The following L3MBTL2 variants were observed in gnomAD, a reference collection of about 807,000 sequenced individuals.
The protein encoded by L3MBTL2 is L3MBTL histone methyl-lysine binding protein 2.
Under a neutral mutation model 86.4 loss-of-function variants are expected in L3MBTL2, and 49 were observed. That is an observed-to-expected ratio of 0.57 (90% CI 0.45 to 0.72). The LOEUF is 0.72. Among genes scored for constraint, L3MBTL2 ranks in the 30% least tolerant of loss-of-function variants. L3MBTL2 has a pLI of 0.00. For missense variants in L3MBTL2, 755 were observed against 923.7 expected, an observed-to-expected ratio of 0.82 and a Z score of 2.37; for synonymous variants, 336 against 350.6, an observed-to-expected ratio of 0.96 and a Z score of 0.47.
chr22:41,230,279 GC>G lies in L3MBTL2; in HGVS notation c.*29del, dbSNP rs1466931005. 6.4e-7 allele frequency: 1 copy of G among 1,566,306 alleles called. No individual in the cohort carries two copies. Among genetic ancestry groups the G allele is most frequent in the Non-Finnish European group, 8.8e-7 (1 of 1,137,432 alleles). On this transcript the variant is annotated 3_prime_UTR_variant, in exon 17 of 17. Transcript: ENST00000216237. ...CTTCCTGCCTCCAGCCTGGCTTCTAGCTGGAAGCCAGCCCAGCGTTTCTCTA... is the reference window on the plus strand; with the variant it reads ...CTTCCTGCCTCCAGCCTGGCTTCTAGTGGAAGCCAGCCCAGCGTTTCTCTA...
intron 5 of L3MBTL2, chr22:41,219,110 C>T: frequency 7.2e-6 from 2 of 278,180 alleles, no homozygotes; most frequent in East Asian, 7.6e-5. Context: ...GATCGAGGCT[C>T]ACCAAGGCAT....
chr22:41,213,751 A>C, intron 2 of L3MBTL2, 142 bp from the exon 3 acceptor site: 1 of 880,952 alleles, frequency 1.1e-6, no homozygotes, highest in Non-Finnish European at 1.8e-6. Context: ...AGTACCTCCC[A>C]TTCCTCCTCT....
intron 8 of L3MBTL2, chr22:41,221,507 T>C: frequency 1.8e-6 from 1 of 556,674 alleles, no homozygotes; most frequent in Non-Finnish European, 3.3e-6. Context: ...CTGCTCCTAC[T>C]GCTCCAGTCA....
Position 41,225,653 on chromosome 22 carries a change from G to T in L3MBTL2, c.1357-141G>T, listed in dbSNP as rs898174723. The T allele has an allele frequency of 2.6e-6, 2 of 774,524 alleles. No individual in the cohort carries two copies. The highest frequency in any genetic ancestry group is 1.8e-5 in the African/African-American group (1 of 57,026). The allele number at this position is 774,524 out of a possible 1,614,324, so 48.0% of individuals were successfully genotyped here. A position where few individuals can be genotyped will look rare whatever the true frequency, so the allele number is the denominator to read the frequency against. On this transcript the variant is annotated intron_variant, in intron 11 of 16. Coordinates refer to ENST00000216237, the MANE Select transcript of L3MBTL2 (RefSeq NM_031488.5). The surrounding 1 kb of genome is among the most constrained non-coding windows in gnomAD (Gnocchi z 4.1). ...ACAGAAGTACTGTGTGCCCCAGAGA[G>T]GCTCAGGTGTCCTCCAGGAGGGCCA...
chr22:41,210,123 C>T (rs1008198972), intron 2 of L3MBTL2, 190 bp downstream of exon 2: 11 of 486,816 alleles, frequency 2.3e-5, no homozygotes, highest in African/African-American at 1.8e-4. Flanking sequence ...GTGTTAACTT[C>T]CTTTGCTGAA....
chr22:41,216,113 C>T (rs1203813912), intron 3 of L3MBTL2, 26 bp from the exon 4 acceptor site: 4 of 1,601,814 alleles, frequency 2.5e-6, no homozygotes, highest in Non-Finnish European at 3.4e-6. Context: ...CGCCAGGCTA[C>T]ACATAGCCTC....
chr22:41,219,471 T>C lies in L3MBTL2; in HGVS notation c.653T>C (p.Val218Ala). Residue 218 changes from valine (V) to alanine (A), a missense_variant, in exon 6 of 17, where the codon GTG (valine) becomes GCG (alanine). Val to Ala is a moderately conservative substitution (Grantham distance 64). This residue lies in a region of L3MBTL2 where 634 missense variants were observed against 748.9 expected (regional missense o/e 0.85). Coordinates refer to ENST00000216237, the MANE Select transcript of L3MBTL2 (RefSeq NM_031488.5). ...EDVMKGMKVE[V>A]LNSDAVLPSR... ...GTGATGAAAGGGATGAAGGTGGAGG[T>C]GCTCAACAGTGATGCTGTGCTCCCC... 1 of 1,613,878 alleles carries C rather than the reference T, an allele frequency of 6.2e-7. No homozygotes were observed. Among genetic ancestry groups the C allele is most frequent in the Non-Finnish European group, 8.5e-7 (1 of 1,179,896 alleles).
rs774647469 is a variant in L3MBTL2 at position 41,217,140 on chromosome 22, G to A, written c.538G>A (p.Asp180Asn). Reference sequence around the variant, plus strand: ...CTCTGCAGCTCTGGTCTTGGGCTTCGACTGGGGGAAGTTCCTGAAGGATCA... The same window carrying A: ...CTCTGCAGCTCTGGTCTTGGGCTTCAACTGGGGGAAGTTCCTGAAGGATCA... ...TGQDALVLGF[D>N]WGKFLKDHSY... The change falls in exon 5 of 17, where the codon GAC (aspartate) becomes AAC (asparagine). Residue 180 changes from aspartate (D) to asparagine (N), a missense_variant. Asp to Asn is a conservative substitution (Grantham distance 23, BLOSUM62 1). Around this residue, in one of 3 missense-constraint regions of L3MBTL2, gnomAD observed 634 missense variants for 748.9 expected, o/e 0.85. Transcript: ENST00000216237. The A allele has an allele frequency of 1.9e-6, 3 of 1,613,876 alleles. No individual in the cohort carries two copies. Among genetic ancestry groups the A allele is most frequent in the Non-Finnish European group, 2.5e-6 (3 of 1,179,972 alleles).
At chr22:41,229,857 G>T in intron 16 of L3MBTL2, 1 of 893,424 alleles carries the variant, frequency 1.1e-6, no homozygotes, top group Non-Finnish European at 1.8e-6. Flanking sequence ...TCCCCCTCTA[G>T]CCCGGCCCCG....
At chr22:41,221,340 G>T (rs1420121639) in intron 8 of L3MBTL2, 53 bp downstream of exon 8, 1 of 1,416,324 alleles carries the variant, frequency 7.1e-7, no homozygotes, top group South Asian at 1.2e-5. Context: ...CCATTTTTCT[G>T]CATCCTGCAT....
At chr22:41,221,036 C>A (rs2031774765) in intron 7 of L3MBTL2, among the ~76,000 whole-genome samples, 163 bp from the exon 8 acceptor site, 1 of 152,232 alleles carries the variant, frequency 6.6e-6, no homozygotes, top group South Asian at 2.1e-4. Flanking sequence ...GGCAGATCCA[C>A]GTGTGGAATC....
In L3MBTL2 at chr22:41,230,659, C is replaced by T. The variant is rs139480; in HGVS notation, c.*408C>T. 135,246 of 185,774 alleles carry T rather than the reference C, an allele frequency of 0.73. 50,509 individuals are homozygous for T. The highest frequency in any genetic ancestry group is 0.91 in the African/African-American group (38,269 of 42,062). The allele number at this position is 185,774 out of a possible 1,614,324, so 11.5% of individuals were successfully genotyped here. On this transcript the variant is annotated 3_prime_UTR_variant, in exon 17 of 17. Coordinates refer to ENST00000216237, the MANE Select transcript of L3MBTL2 (RefSeq NM_031488.5). ...AGTGAACTCTGTCTGCCTGAACGAG[C>T]CATGTAAATTAAGTTCTAGAGCAGC...
At chr22:41,212,620 G>A (rs1362136168) in intron 2 of L3MBTL2, among the ~76,000 whole-genome samples, 2 of 152,080 alleles carry the variant, frequency 1.3e-5, no homozygotes, top group Admixed American at 1.3e-4. Context: ...CACGGGCCAG[G>A]CATGGTGGCT....
In L3MBTL2 at chr22:41,225,781, C is replaced by T. The variant is rs1232628413; in HGVS notation, c.1357-13C>T. ...ATGATATGATCTGTCTGCCTGCTCC[C>T]CCCACCCCCCAGGTTCTCCTGGATG... On this transcript the variant is annotated splice_polypyrimidine_tract_variant and intron_variant, in intron 11 of 16. Transcript: ENST00000216237. The surrounding 1 kb of genome is among the most constrained non-coding windows in gnomAD (Gnocchi z 4.1). The T allele has an allele frequency of 6.2e-7, 1 of 1,603,632 alleles. No individual in the cohort carries two copies.
In L3MBTL2 at chr22:41,224,817, T is replaced by C. The variant is rs369519566; in HGVS notation, c.1251+16T>C. On this transcript the variant is annotated intron_variant, in intron 10 of 16. Coordinates refer to ENST00000216237, the MANE Select transcript of L3MBTL2 (RefSeq NM_031488.5). The surrounding 1 kb of genome is among the most constrained non-coding windows in gnomAD (Gnocchi z 4.9). ...CTTCAAGAAGGTGAGGTTCAGCTCTTGGGCGCTTTTCCCCTCAGCCATGGG... is the reference window on the plus strand; with the variant it reads ...CTTCAAGAAGGTGAGGTTCAGCTCTCGGGCGCTTTTCCCCTCAGCCATGGG... 2 of 1,609,898 alleles carry C rather than the reference T, an allele frequency of 1.2e-6. No individual in the cohort carries two copies. Among genetic ancestry groups the C allele is most frequent in the Non-Finnish European group, 1.7e-6 (2 of 1,176,248 alleles).
chr22:41,223,970 G>A (rs13058537), intron 8 of L3MBTL2, 50 bp from the exon 9 acceptor site: 2 of 1,447,938 alleles, frequency 1.4e-6, no homozygotes, highest in Non-Finnish European at 1.9e-6. Context: ...AGGAGGGTGG[G>A]TGGGAAGAGC....
chr22:41,227,657 C>T lies in L3MBTL2; in HGVS notation c.1823-147C>T. On this transcript the variant is annotated intron_variant, in intron 14 of 16. Coordinates refer to ENST00000216237, the MANE Select transcript of L3MBTL2 (RefSeq NM_031488.5). The surrounding 1 kb of genome is among the most constrained non-coding windows in gnomAD (Gnocchi z 6.0). ...GCTGTTCTCCGGCCCCTCCTCCAGC[C>T]CCGCCCTCTCCTCATTGCCCAGGTT... 7.1e-6 allele frequency: 11 copies of T among 1,559,958 alleles called. No homozygotes were observed. Among genetic ancestry groups the T allele is most frequent in the Non-Finnish European group, 9.5e-6 (11 of 1,152,032 alleles).
chr22:41,220,709 C>A, intron 6 of L3MBTL2, 25 bp from the exon 7 acceptor site: 1 of 1,596,774 alleles, frequency 6.3e-7, no homozygotes, highest in Non-Finnish European at 8.6e-7. Context: ...CCCTCCCTCA[C>A]AGGTGCCCTT....
rs766800612 is a variant in L3MBTL2 at position 41,219,512 on chromosome 22, A to G, written c.694A>G (p.Ile232Val). Residue 232 changes from isoleucine to valine, a missense_variant, in exon 6 of 17, where the codon ATC becomes GTC. By Grantham distance (29) the Ile-to-Val change is conservative. Coordinates refer to ENST00000216237, the MANE Select transcript of L3MBTL2 (RefSeq NM_031488.5). ...DAVLPSRVYW[I>V]ASVIQTAGYR... ...TGTGCTCCCCAGCCGGGTGTACTGG[A>G]TCGCCTCTGTCATCCAGACAGCAGG... 5.6e-6 allele frequency: 9 copies of G among 1,613,524 alleles called. No individual in the cohort carries two copies. In the Admixed American group the frequency reaches 1.0e-4, roughly 18 times the overall value.
Sources: gnomAD v4.1 joint callset for allele counts (sites outside exome capture counted in the v4.1 genomes callset) on GRCh38, gnomAD v4.1.1 for gene constraint, gnomAD v4.1.1 regional missense constraint, Gnocchi (gnomAD v3.1) non-coding constraint, MANE v1.5 for transcripts, NCBI Gene and HGNC (gene_info 2026-07-23, HGNC 2026-07-21) for gene names.